The following PLXDC2 variants were observed in gnomAD, a reference collection of about 807,000 sequenced individuals.
PLXDC2 encodes plexin domain-containing protein 2.
Under a neutral mutation model 68.9 loss-of-function variants are expected in PLXDC2, and 40 were observed. That is an observed-to-expected ratio of 0.58 (90% CI 0.45 to 0.76). PLXDC2 has a LOEUF of 0.76. Among genes scored for constraint, PLXDC2 ranks in the 30% least tolerant of loss-of-function variants. The pLI is 0.00. For synonymous variants in PLXDC2, 243 were observed against 234.2 expected, an observed-to-expected ratio of 1.04 and a Z score of -0.34; for missense variants, 644 against 661.9, an observed-to-expected ratio of 0.97 and a Z score of 0.30.
At chr10:20,141,215 G>T (rs1834002958) in intron 4 of PLXDC2, among the ~76,000 whole-genome samples, 1 of 151,980 alleles carries the variant, frequency 6.6e-6, no homozygotes, top group African/African-American at 2.4e-5. Context: ...TAAAAATTGG[G>T]TTATTGAGAG....
intron 7 of PLXDC2, among the ~76,000 whole-genome samples, chr10:20,175,009 T>C (rs1460526571): frequency 6.6e-6 from 1 of 152,088 alleles, no homozygotes; most frequent in Non-Finnish European, 1.5e-5. Context: ...AATTTAACTT[T>C]CTCTAAGTGA....
intron 3 of PLXDC2, among the ~76,000 whole-genome samples, chr10:20,049,959 T>C (rs1774577933): frequency 6.6e-6 from 1 of 152,066 alleles, no homozygotes; most frequent in Non-Finnish European, 1.5e-5. Flanking sequence ...AACTTCAAAT[T>C]ATACTGCAGG....
At chr10:19,999,295 A>G (rs1456231197) in intron 1 of PLXDC2, among the ~76,000 whole-genome samples, 2 of 152,176 alleles carry the variant, frequency 1.3e-5, no homozygotes, top group South Asian at 2.1e-4. Context: ...TCAAGGAGGA[A>G]TAAGTAACAC....
chr10:20,240,125 T>C (rs1485410799), intron 12 of PLXDC2, among the ~76,000 whole-genome samples: 1 of 152,148 alleles, frequency 6.6e-6, no homozygotes, highest in African/African-American at 2.4e-5. Flanking sequence ...GTTCCCTTCT[T>C]TGTGTCCGTA....
intron 4 of PLXDC2, among the ~76,000 whole-genome samples, chr10:20,103,460 G>C (rs906389809): frequency 6.6e-6 from 1 of 152,028 alleles, no homozygotes; most frequent in East Asian, 1.9e-4. Context: ...AGGAAGAGGT[G>C]GAGAGGAAAT....
intron 1 of PLXDC2, among the ~76,000 whole-genome samples, chr10:19,836,687 C>G (rs550853424): frequency 6.6e-6 from 1 of 152,310 alleles, no homozygotes; most frequent in East Asian, 1.9e-4. Context: ...CAGCTGCATT[C>G]AAGACCAGGA....
chr10:20,215,699 C>T lies in PLXDC2; in HGVS notation c.1123-1727C>T, dbSNP rs117419928. ...AGGTAGAAATAGGTTGAAAGGATGG[C>T]TATAAGGAAAGGTCCCCATCCATTA... On this transcript the variant is annotated intron_variant, in intron 10 of 13. Coordinates refer to ENST00000377252, the MANE Select transcript of PLXDC2 (RefSeq NM_032812.9). 8.2e-4 allele frequency among the ~76,000 whole-genome samples: 124 copies of T among 152,002 alleles called. 2 individuals carry two copies. In the East Asian group the frequency reaches 0.02, roughly 25 times the overall value.
chr10:19,931,121 G>A (rs1833624461), intron 1 of PLXDC2, among the ~76,000 whole-genome samples: 1 of 152,208 alleles, frequency 6.6e-6, no homozygotes, highest in Admixed American at 6.5e-5. Flanking sequence ...GAGCTTGTCT[G>A]GTTAGTTAGA....
chr10:20,193,640 G>A (rs1211340118), intron 9 of PLXDC2, among the ~76,000 whole-genome samples: 3 of 152,134 alleles, frequency 2.0e-5, no homozygotes, highest in Non-Finnish European at 1.5e-5. Flanking sequence ...CTGGATAAAA[G>A]GGGTGTGCTC....
rs145460929 is a variant in PLXDC2, at chr10:20,012,161, A to G, written c.324+10175A>G. ...TTTTTTTCTCTGATTATCTAAACAT[A>G]TGTATGAAAAGTTGTGTTTCTATTT... On this transcript the variant is annotated intron_variant, in intron 2 of 13. Coordinates refer to ENST00000377252, the MANE Select transcript of PLXDC2 (RefSeq NM_032812.9). 2.9e-3 allele frequency among the ~76,000 whole-genome samples: 448 copies of G among 152,232 alleles called. 5 individuals carry two copies. The highest frequency in any genetic ancestry group is 4.9e-3 in the Admixed American group (75 of 15,292).
At chr10:19,864,420 T>C (rs1837376932) in intron 1 of PLXDC2, among the ~76,000 whole-genome samples, 1 of 152,230 alleles carries the variant, frequency 6.6e-6, no homozygotes, top group South Asian at 2.1e-4. Context: ...AAACTATCAC[T>C]TGGAAAGCCT....
intron 1 of PLXDC2, among the ~76,000 whole-genome samples, chr10:19,869,772 T>C (rs1318451659): frequency 6.6e-6 from 1 of 152,232 alleles, no homozygotes; most frequent in East Asian, 1.9e-4. Flanking sequence ...GCTTTGTTAG[T>C]TATTATTATC....
intron 1 of PLXDC2, among the ~76,000 whole-genome samples, chr10:19,976,930 C>T (rs1834467358): frequency 6.7e-6 from 1 of 148,932 alleles, no homozygotes; most frequent in Admixed American, 6.7e-5. Flanking sequence ...ATTGAAATTT[C>T]AATTTCTAGG....
chr10:19,936,791 TCAATGG>T (rs1347034893), intron 1 of PLXDC2, among the ~76,000 whole-genome samples: 1 of 152,188 alleles, frequency 6.6e-6, no homozygotes, highest in African/African-American at 2.4e-5. Flanking sequence ...GGGTTGGATC[TCAATGG>T]CAATTAACTT....
intron 1 of PLXDC2, among the ~76,000 whole-genome samples, chr10:19,863,557 A>G (rs1837357055): frequency 6.6e-6 from 1 of 152,208 alleles, no homozygotes; most frequent in Admixed American, 6.5e-5. Flanking sequence ...GCACTTCCTC[A>G]TGTGTAAGCT....
intron 2 of PLXDC2, among the ~76,000 whole-genome samples, chr10:20,031,049 A>T (rs1835494097): frequency 6.6e-6 from 1 of 152,206 alleles, no homozygotes; most frequent in Non-Finnish European, 1.5e-5. Flanking sequence ...ATTGCAGGCC[A>T]GCAGTGAACT....
intron 7 of PLXDC2, among the ~76,000 whole-genome samples, chr10:20,171,486 T>C (rs1834445086): frequency 6.6e-6 from 1 of 152,300 alleles, no homozygotes; most frequent in Non-Finnish European, 1.5e-5. Context: ...TGTTTTCTCA[T>C]AAAGTAACTA....
chr10:19,920,152 G>A (rs1032161881), intron 1 of PLXDC2, among the ~76,000 whole-genome samples: 5 of 152,200 alleles, frequency 3.3e-5, no homozygotes, highest in Admixed American at 6.5e-5. Context: ...TCCTGTGGCT[G>A]TCATGGTTGC....
At chr10:20,134,093 C>G (rs778869242) in intron 4 of PLXDC2, among the ~76,000 whole-genome samples, 4 of 151,956 alleles carry the variant, frequency 2.6e-5, no homozygotes, top group African/African-American at 4.8e-5. Flanking sequence ...TGTTAAACTT[C>G]TTGTTTTATT....
Sources: allele counts gnomAD v4.1 joint callset (sites outside exome capture counted in the v4.1 genomes callset), GRCh38; gene constraint gnomAD v4.1.1; transcripts MANE v1.5; gene names NCBI Gene and HGNC (gene_info 2026-07-23, HGNC 2026-07-21).